The following RBFOX3 variants were observed in gnomAD, a reference collection of about 807,000 sequenced individuals.
The protein encoded by RBFOX3 is RNA binding protein fox-1 homolog 3.
A neutral mutation model predicts 48.7 loss-of-function variants in RBFOX3; 17 were observed. The ratio of observed to expected loss-of-function variants is 0.35; its 90% CI spans 0.24 to 0.52. The LOEUF is 0.52. RBFOX3 is among the 20% of genes least tolerant of loss of function. The pLI is 0.94. For synonymous variants in RBFOX3, 212 were observed against 209.5 expected (o/e 1.01, Z -0.10); for missense variants, 382 against 497.5 (o/e 0.77, Z 2.21).
At chr17:79,189,641 TA>T (rs2054077837) in intron 4 of RBFOX3, among the ~76,000 whole-genome samples, 2 of 152,234 alleles carry the variant, frequency 1.3e-5, no homozygotes, top group South Asian at 4.1e-4. Context: ...GAGCTGCTGC[TA>T]GACCAAGGAA....
chr17:79,538,468 C>T (rs1310550646), intron 1 of RBFOX3, among the ~76,000 whole-genome samples: 5 of 152,256 alleles, frequency 3.3e-5, no homozygotes, highest in Non-Finnish European at 7.3e-5. Context: ...GGGACAACCA[C>T]AGTCAGGGCA....
At chr17:79,626,654 A>T in the RBFOX3 span, among the ~76,000 whole-genome samples, 1 of 152,190 alleles carries the variant, frequency 6.6e-6, no homozygotes, top group African/African-American at 2.4e-5. Context: ...CACCGATGGG[A>T]TATACACAGA....
At chr17:79,585,054 G>C (rs978057730) in intron 1 of RBFOX3, among the ~76,000 whole-genome samples, 1 of 151,674 alleles carries the variant, frequency 6.6e-6, no homozygotes, top group Non-Finnish European at 1.5e-5. Flanking sequence ...CGTGAGCCAC[G>C]GCGCCCAGCC....
At position 79,512,672 on chromosome 17, in the gene RBFOX3, CGG is replaced by C. The variant is rs2084550641; in HGVS notation, c.-319-30076_-319-30075del. On this transcript the variant is annotated intron_variant, in intron 1 of 14. Transcript: ENST00000693108. ...GCCCCATGGCCAGGGGACACCCACC[CGG>C]ATACGTGTTACCATCGGGTACAGCC... is the stretch of plus-strand genomic sequence containing the variant. Among the ~76,000 whole-genome samples the C allele has an allele frequency of 2.9e-4, 39 of 135,826 alleles. 1 individual carries two copies. The highest frequency in any genetic ancestry group is 1.0e-3 in the African/African-American group (36 of 36,018). 89.1% of individuals were successfully genotyped at this position (135,826 alleles called of 152,430 possible).
At chr17:79,656,921 A>AGGAAG in the RBFOX3 span, among the ~76,000 whole-genome samples, 41 of 89,680 alleles carry the variant, frequency 4.6e-4, no homozygotes, top group Non-Finnish European at 4.7e-4. Flanking sequence ...AGGAAGGAAA[A>AGGAAG]GAAAAGAGAA....
chr17:79,515,175 A>T (rs2085069309), intron 1 of RBFOX3, among the ~76,000 whole-genome samples: 1 of 152,168 alleles, frequency 6.6e-6, no homozygotes, highest in South Asian at 2.1e-4. Context: ...CGGAGGAGCA[A>T]CACTCAAGCC....
At chr17:79,218,419 C>T (rs1327540307) in intron 4 of RBFOX3, among the ~76,000 whole-genome samples, 2 of 152,086 alleles carry the variant, frequency 1.3e-5, no homozygotes, top group African/African-American at 2.4e-5. Context: ...AGAGGCTCCC[C>T]GATCAGGTTC....
intron 2 of RBFOX3, among the ~76,000 whole-genome samples, chr17:79,318,663 G>A (rs1028127131): frequency 6.6e-6 from 1 of 151,950 alleles, no homozygotes; most frequent in Middle Eastern, 3.4e-3. Flanking sequence ...GACCATCCTG[G>A]CTAACACGGC....
intron 4 of RBFOX3, among the ~76,000 whole-genome samples, chr17:79,181,814 A>G (rs2052011062): frequency 6.6e-6 from 1 of 152,140 alleles, no homozygotes; most frequent in Non-Finnish European, 1.5e-5. Context: ...GCCCTGGGCC[A>G]GCTCGGAAGG....
At chr17:79,624,653 C>G in the RBFOX3 span, among the ~76,000 whole-genome samples, 13 of 152,176 alleles carry the variant, frequency 8.5e-5, no homozygotes, top group Admixed American at 7.9e-4. Flanking sequence ...TTCTCGGGAC[C>G]TGCTTCTCTT....
At chr17:79,453,084 C>T (rs2073840528) in intron 2 of RBFOX3, among the ~76,000 whole-genome samples, 1 of 152,230 alleles carries the variant, frequency 6.6e-6, no homozygotes, top group Non-Finnish European at 1.5e-5. Flanking sequence ...ATCAAATGAG[C>T]GAATTTCTGC....
intron 2 of RBFOX3, among the ~76,000 whole-genome samples, chr17:79,309,295 C>A (rs921600359): frequency 1.3e-5 from 2 of 151,974 alleles, no homozygotes; most frequent in Non-Finnish European, 2.9e-5. Flanking sequence ...TTGGGGTCTC[C>A]GCTGAAACTT....
At chr17:79,659,311 T>C in the RBFOX3 span, among the ~76,000 whole-genome samples, 2 of 152,014 alleles carry the variant, frequency 1.3e-5, no homozygotes, top group Non-Finnish European at 2.9e-5. Flanking sequence ...ATAAATGAAA[T>C]AAACAGGATG....
intron 4 of RBFOX3, among the ~76,000 whole-genome samples, chr17:79,121,831 G>T (rs1021141033): frequency 6.6e-6 from 1 of 152,038 alleles, no homozygotes; most frequent in African/African-American, 2.4e-5. Flanking sequence ...TGAAGGTTTT[G>T]ATTTAGTCTC....
intron 4 of RBFOX3, among the ~76,000 whole-genome samples, chr17:79,228,465 C>T (rs566897499): frequency 1.3e-5 from 2 of 152,212 alleles, no homozygotes; most frequent in African/African-American, 4.8e-5. Context: ...CAAACACACA[C>T]ACACTCACAG....
chr17:79,479,042 C>T lies in RBFOX3; in HGVS notation c.-175+3412G>A, dbSNP rs2149463261. ...GGAGTCTCGGTCGAAGGGCTCCTTG[C>T]CAAGGCCATTCCTGAATCAGAAAGG... On this transcript the variant is annotated intron_variant, in intron 2 of 14. Transcript: ENST00000693108. The surrounding 1 kb of genome is among the most constrained non-coding windows in gnomAD (Gnocchi z 5.1). 6.6e-6 allele frequency among the ~76,000 whole-genome samples: 1 copy of T among 152,332 alleles called. No homozygotes were observed. Among genetic ancestry groups the T allele is most frequent in the African/African-American group, 2.4e-5 (1 of 41,574 alleles).
intron 2 of RBFOX3, among the ~76,000 whole-genome samples, chr17:79,332,737 G>C (rs1281176769): frequency 1.7e-5 from 2 of 120,022 alleles, no homozygotes; most frequent in African/African-American, 5.7e-5. Flanking sequence ...GAGACAAAGA[G>C]AGCAGAGACA....
chr17:79,475,678 A>G (rs2149417102), intron 2 of RBFOX3, among the ~76,000 whole-genome samples: 1 of 152,326 alleles, frequency 6.6e-6, no homozygotes, highest in Admixed American at 6.5e-5. Context: ...GCGTGCACAC[A>G]TGTACACACA....
In RBFOX3 at chr17:79,479,920, G is replaced by C. The variant is rs1347201859; in HGVS notation, c.-175+2534C>G. Among the ~76,000 whole-genome samples, 1 of 152,206 alleles carries C rather than the reference G, an allele frequency of 6.6e-6. No homozygotes were observed. Among genetic ancestry groups the C allele is most frequent in the Non-Finnish European group, 1.5e-5 (1 of 68,024 alleles). The stretch of plus-strand genomic sequence containing the variant: ...TTGGAACTAGGCGTCTGAGGTTCCA[G>C]AGACAGAGCATGATCTCAGGGGGTC... On this transcript the variant is annotated intron_variant, in intron 2 of 14. Transcript: ENST00000693108. This position sits in a 1 kb window ranked among gnomAD's most constrained non-coding sequence, Gnocchi z 5.1.
Sources: gnomAD v4.1 joint callset for allele counts (sites outside exome capture counted in the v4.1 genomes callset) on GRCh38, gnomAD v4.1.1 for gene constraint, Gnocchi (gnomAD v3.1) non-coding constraint, MANE v1.5 for transcripts, NCBI Gene and HGNC (gene_info 2026-07-23, HGNC 2026-07-21) for gene names.